The following RAB31 variants were observed in gnomAD, a reference collection of about 807,000 sequenced individuals.
RAB31 encodes the protein ras-related protein Rab-31.
In RAB31, 21 loss-of-function variants were observed where a neutral mutation model predicts 25.6. The ratio of observed to expected loss-of-function variants is 0.82; its 90% CI spans 0.58 to 1.18. The LOEUF is 1.18. RAB31 is among the 50% of genes most tolerant of loss of function. The probability of loss-of-function intolerance (pLI) is 0.00; values close to 1 mark genes in which losing one functional copy is unlikely to be tolerated. For missense variants in RAB31, 196 were observed against 250.1 expected, an observed-to-expected ratio of 0.78 and a Z score of 1.46; for synonymous variants, 87 against 84.0, an observed-to-expected ratio of 1.04 and a Z score of -0.20.
At chr18:9,812,177 C>A (rs1358721203) in intron 3 of RAB31, among the ~76,000 whole-genome samples, 1 of 152,186 alleles carries the variant, frequency 6.6e-6, no homozygotes, top group African/African-American at 2.4e-5. Flanking sequence ...CTAAGGGCCC[C>A]ACCTCCTAAT....
intron 1 of RAB31, among the ~76,000 whole-genome samples, chr18:9,710,200 C>T (rs1209334699): frequency 6.6e-6 from 1 of 152,096 alleles, no homozygotes. Flanking sequence ...TCGTTCTTTC[C>T]CACCAAAGAG....
At chr18:9,771,614 A>G (rs1314454202) in intron 1 of RAB31, among the ~76,000 whole-genome samples, 1 of 151,872 alleles carries the variant, frequency 6.6e-6, no homozygotes, top group African/African-American at 2.4e-5. Context: ...GCGCGGAGTG[A>G]CTCCTTAGCC....
chr18:9,790,653 A>G (rs2068455368), intron 2 of RAB31, among the ~76,000 whole-genome samples: 1 of 152,048 alleles, frequency 6.6e-6, no homozygotes. Flanking sequence ...ATCTCCCTGT[A>G]TTTTTCTGGT....
intron 1 of RAB31, chr18:9,734,978 C>A: frequency 8.3e-6 from 2 of 241,916 alleles, no homozygotes; most frequent in South Asian, 4.6e-5. Flanking sequence ...TGGGAGGAGC[C>A]TCTTGGTGGT....
chr18:9,803,490 G>A (rs540280474), intron 3 of RAB31, among the ~76,000 whole-genome samples: 2 of 152,264 alleles, frequency 1.3e-5, no homozygotes, highest in South Asian at 4.1e-4. Context: ...TGCAAACTGA[G>A]ATCCCGGCAA....
chr18:9,795,069 G>A (rs1890218364), intron 3 of RAB31, among the ~76,000 whole-genome samples: 1 of 152,136 alleles, frequency 6.6e-6, no homozygotes, highest in Non-Finnish European at 1.5e-5. Flanking sequence ...ACAGAATAAA[G>A]AACCCACAAA....
chr18:9,848,004 G>A (rs868072118), intron 6 of RAB31, among the ~76,000 whole-genome samples: 9 of 151,962 alleles, frequency 5.9e-5, no homozygotes, highest in Non-Finnish European at 1.0e-4. Context: ...GCTCAAACAT[G>A]GGTAATTATG....
chr18:9,833,571 A>G (rs2068689872), intron 5 of RAB31, among the ~76,000 whole-genome samples: 1 of 152,148 alleles, frequency 6.6e-6, no homozygotes, highest in Non-Finnish European at 1.5e-5. Flanking sequence ...GCTTATATTG[A>G]TGTTTGATAG....
intron 2 of RAB31, among the ~76,000 whole-genome samples, chr18:9,790,802 G>A (rs1389944225): frequency 6.6e-6 from 1 of 152,186 alleles, no homozygotes; most frequent in Non-Finnish European, 1.5e-5. Flanking sequence ...CTATATAGGT[G>A]ATGTATCTAC....
At chr18:9,843,790 T>G (rs1000104506) in intron 5 of RAB31, among the ~76,000 whole-genome samples, 2 of 152,110 alleles carry the variant, frequency 1.3e-5, no homozygotes, top group Non-Finnish European at 2.9e-5. Flanking sequence ...AGGGACATAT[T>G]TCTTTTGGCT....
At chr18:9,821,939 T>C (rs1295265730) in intron 5 of RAB31, among the ~76,000 whole-genome samples, 1 of 152,188 alleles carries the variant, frequency 6.6e-6, no homozygotes, top group African/African-American at 2.4e-5. Context: ...AGCAAGGTTT[T>C]TTGTAAACAT....
intron 2 of RAB31, among the ~76,000 whole-genome samples, chr18:9,777,552 C>A (rs923084079): frequency 6.6e-6 from 1 of 152,210 alleles, no homozygotes; most frequent in Admixed American, 6.5e-5. Context: ...TGGTTTCACT[C>A]TGCTCTGAAT....
Position 9,804,905 on chromosome 18 carries a change from C to A in RAB31, c.202-9115C>A, listed in dbSNP as rs114041087. On this transcript the variant is annotated intron_variant, in intron 3 of 6. Transcript: ENST00000578921. ...TTTTTGTTTCCAGTTGTTGCTGTAA[C>A]AGATTGCCACACGCTCAGTGGCTTA... Among the ~76,000 whole-genome samples the A allele has an allele frequency of 2.9e-3, 445 of 152,294 alleles. 1 individual carries two copies. Among genetic ancestry groups the A allele is most frequent in the African/African-American group, 0.01 (420 of 41,550 alleles).
At chr18:9,848,196 ATCTG>A (rs1162108610) in intron 6 of RAB31, among the ~76,000 whole-genome samples, 3 of 152,110 alleles carry the variant, frequency 2.0e-5, no homozygotes, top group East Asian at 1.9e-4. Context: ...CTGGCTATCC[ATCTG>A]TCTGTCTATC....
intron 5 of RAB31, among the ~76,000 whole-genome samples, chr18:9,835,631 T>C (rs1404882468): frequency 6.6e-6 from 1 of 152,238 alleles, no homozygotes; most frequent in Non-Finnish European, 1.5e-5. Flanking sequence ...TCTTTGCTGG[T>C]ACACGGTTGT....
chr18:9,788,550 G>A (rs2068444939), intron 2 of RAB31, among the ~76,000 whole-genome samples: 1 of 152,176 alleles, frequency 6.6e-6, no homozygotes, highest in East Asian at 1.9e-4. Context: ...TTCTACTACT[G>A]GGTATTTATG....
At chr18:9,729,235 T>C (rs1023114963) in intron 1 of RAB31, among the ~76,000 whole-genome samples, 5 of 152,286 alleles carry the variant, frequency 3.3e-5, no homozygotes, top group Admixed American at 1.3e-4. Flanking sequence ...TCTACTCTAA[T>C]ATTATAAAAG....
chr18:9,825,614 A>G (rs1316217701), intron 5 of RAB31, among the ~76,000 whole-genome samples: 1 of 152,174 alleles, frequency 6.6e-6, no homozygotes, highest in East Asian at 1.9e-4. Flanking sequence ...AAGTGGTCCA[A>G]GGGTCATTCT....
chr18:9,746,422 C>A (rs1373557240), intron 1 of RAB31, among the ~76,000 whole-genome samples: 1 of 144,976 alleles, frequency 6.9e-6, no homozygotes. Flanking sequence ...TGCTGACTCT[C>A]AAATACATAC....
Sources: allele counts gnomAD v4.1 joint callset (sites outside exome capture counted in the v4.1 genomes callset), GRCh38; gene constraint gnomAD v4.1.1; transcripts MANE v1.5; gene names NCBI Gene and HGNC (gene_info 2026-07-23, HGNC 2026-07-21).